Variants in TSGA13 observed in about 807,000 individuals in gnomAD.
TSGA13 encodes the protein testis specific 13, also known as testis-specific gene 13 protein.
A neutral mutation model predicts 35.1 loss-of-function variants in TSGA13; 37 were observed. That is an observed-to-expected ratio of 1.05 (90% CI 0.81 to 1.39). The LOEUF is 1.39. Among genes scored for constraint, TSGA13 ranks in the 40% most tolerant of loss-of-function variants. TSGA13 has a pLI of 0.00. For synonymous variants in TSGA13, 124 were observed against 121.2 expected, an observed-to-expected ratio of 1.02 and a Z score of -0.15; for missense variants, 338 against 328.5, an observed-to-expected ratio of 1.03 and a Z score of -0.22.
In TSGA13 at chr7:130,671,774, T is replaced by C. The variant is rs781925638; in HGVS notation, c.545A>G (p.Asn182Ser). 20 of 1,592,616 alleles carry C rather than the reference T, an allele frequency of 1.3e-5. No individual in the cohort carries two copies. The highest frequency in any genetic ancestry group is 1.7e-4 in the Middle Eastern group (1 of 5,792). The change falls in exon 7 of 8, where the codon AAT becomes AGT. Residue 182 changes from asparagine to serine, a missense_variant. Coordinates refer to ENST00000356588, the MANE Select transcript of TSGA13 (RefSeq NM_052933.4). ...ATACTTCCCTTCGCTCTTGAAATCA[T>C]TGTCAGTGGAAAACCTTAACAAAGA... ...REQWFRFSTD[N>S]DFKSEGKYSK...
intron 5 of TSGA13, among the ~76,000 whole-genome samples, chr7:130,678,355 A>G (rs1431854414): frequency 1.3e-5 from 2 of 150,780 alleles, no homozygotes; most frequent in East Asian, 2.0e-4. Context: ...CTCCAGCCTG[A>G]GCGATAGAAC....
At chr7:130,686,642 A>G (rs1554465772), upstream of TSGA13, 3 of 151,806 alleles carry the variant, frequency 2.0e-5, no homozygotes, top group Admixed American at 6.6e-5. Flanking sequence ...ACTTAAAGGC[A>G]TATTTAAACA....
chr7:130,677,912 C>T (rs531198415), intron 5 of TSGA13, among the ~76,000 whole-genome samples: 1 of 152,310 alleles, frequency 6.6e-6, no homozygotes, highest in African/African-American at 2.4e-5. Flanking sequence ...TCTTCTATTA[C>T]TTTAACATAC....
Position 130,668,875 on chromosome 7 carries a change from A to C in TSGA13, c.*139T>G. 7.2e-7 allele frequency: 1 copy of C among 1,391,876 alleles called. No homozygotes were observed. The highest frequency in any genetic ancestry group is 2.4e-5 in the Admixed American group (1 of 41,740). The allele number at this position is 1,391,876 out of a possible 1,614,324, so 86.2% of individuals were successfully genotyped here. A position where few individuals can be genotyped will look rare whatever the true frequency, so the allele number is the denominator to read the frequency against. ...CCCTTCTCCTCTTGCGGCCCGCCGG[A>C]GACTTCGGCTCGACCCTCCCGGCTT... On this transcript the variant is annotated 3_prime_UTR_variant, in exon 8 of 8. Coordinates refer to ENST00000356588, the MANE Select transcript of TSGA13 (RefSeq NM_052933.4).
At position 130,668,846 on chromosome 7, in the gene TSGA13, C is replaced by T. The variant is rs940516002; in HGVS notation, c.*168G>A. ...GCCCTCGGCCCCCGGGACGCAGCCA[C>T]GCCCCCTTCTCCTCTTGCGGCCCGC... On this transcript the variant is annotated 3_prime_UTR_variant, in exon 8 of 8. Transcript: ENST00000356588. 5.4e-6 allele frequency: 7 copies of T among 1,306,648 alleles called. No homozygotes were observed. The highest frequency in any genetic ancestry group is 7.2e-6 in the Non-Finnish European group (7 of 968,328). The allele number at this position is 1,306,648 out of a possible 1,614,324, so 80.9% of individuals were successfully genotyped here. A position where few individuals can be genotyped will look rare whatever the true frequency, so the allele number is the denominator to read the frequency against.
intron 5 of TSGA13, among the ~76,000 whole-genome samples, chr7:130,673,879 G>T (rs937655570): frequency 1.3e-5 from 2 of 152,094 alleles, no homozygotes; most frequent in Non-Finnish European, 2.9e-5. Context: ...TGGATCATGA[G>T]GTCAGGAGTT....
chr7:130,668,753 GC>G lies in TSGA13; in HGVS notation c.*260del. 6.9e-7 allele frequency: 1 copy of G among 1,452,840 alleles called. No homozygotes were observed. The highest frequency in any genetic ancestry group is 1.3e-5 in the South Asian group (1 of 75,844). 90.0% of individuals were successfully genotyped at this position (1,452,840 alleles called of 1,614,324 possible). On this transcript the variant is annotated 3_prime_UTR_variant, in exon 8 of 8. Coordinates refer to ENST00000356588, the MANE Select transcript of TSGA13 (RefSeq NM_052933.4). The stretch of plus-strand genomic sequence containing the variant: ...AGCGGAAGAGGCTGCAGGAAGGCCG[GC>G]CCCGCGCTCTCACGCCGGTTGGGCC...
In TSGA13 at chr7:130,668,739, C is replaced by G. The variant is rs567586188; in HGVS notation, c.*275G>C. On this transcript the variant is annotated 3_prime_UTR_variant, in exon 8 of 8. Coordinates refer to ENST00000356588, the MANE Select transcript of TSGA13 (RefSeq NM_052933.4). ...CGCCGCAGCCGGCGAGCGGAAGAGGCTGCAGGAAGGCCGGCCCCGCGCTCT... is the reference window on the plus strand; with the variant it reads ...CGCCGCAGCCGGCGAGCGGAAGAGGGTGCAGGAAGGCCGGCCCCGCGCTCT... 7 of 1,481,506 alleles carry G rather than the reference C, an allele frequency of 4.7e-6. No homozygotes were observed. Among genetic ancestry groups the G allele is most frequent in the Non-Finnish European group, 6.3e-6 (7 of 1,108,424 alleles). The allele number at this position is 1,481,506 out of a possible 1,614,324, so 91.8% of individuals were successfully genotyped here. A position where few individuals can be genotyped will look rare whatever the true frequency, so the allele number is the denominator to read the frequency against.
chr7:130,678,175 G>A (rs554973363), intron 5 of TSGA13, among the ~76,000 whole-genome samples: 3 of 152,092 alleles, frequency 2.0e-5, no homozygotes, highest in African/African-American at 4.8e-5. Flanking sequence ...TCAGAAGATC[G>A]AGACCATCCT....
At chr7:130,679,431 G>C (rs192963986) in intron 4 of TSGA13, 64 bp from the exon 5 acceptor site, 1 of 1,427,600 alleles carries the variant, frequency 7.0e-7, no homozygotes, top group Non-Finnish European at 9.6e-7. Flanking sequence ...TTAACAAATC[G>C]GTTGGCTGAT....
chr7:130,684,669 G>A (rs1039509376), intron 2 of TSGA13, among the ~76,000 whole-genome samples: 13 of 152,158 alleles, frequency 8.5e-5, no homozygotes, highest in Non-Finnish European at 1.9e-4. Context: ...TTCAAGCATA[G>A]CTACCTTCCA....
chr7:130,675,139 A>G (rs782818299), intron 5 of TSGA13, among the ~76,000 whole-genome samples: 7 of 151,920 alleles, frequency 4.6e-5, no homozygotes, highest in Non-Finnish European at 8.8e-5. Flanking sequence ...CATATCACTC[A>G]CATGTTTCTC....
At chr7:130,680,289 G>C (rs1490401533) in intron 4 of TSGA13, among the ~76,000 whole-genome samples, 1 of 152,080 alleles carries the variant, frequency 6.6e-6, no homozygotes, top group Non-Finnish European at 1.5e-5. Flanking sequence ...GGTGGATCAC[G>C]AGGTCAGGAG....
chr7:130,678,245 G>A (rs1796457568), intron 5 of TSGA13, among the ~76,000 whole-genome samples: 1 of 152,168 alleles, frequency 6.6e-6, no homozygotes, highest in South Asian at 2.1e-4. Flanking sequence ...TGGGCGTGGT[G>A]GTGGGCACCT....
rs782376637 is a variant in TSGA13, at chr7:130,669,065, G to A, written c.777C>T (p.Arg259=). The change falls in exon 8 of 8, where the codon CGC becomes CGT. Residue 259 remains arginine (R), a synonymous_variant. Coordinates refer to ENST00000356588, the MANE Select transcript of TSGA13 (RefSeq NM_052933.4). ...TAATCCACTGCGGGGCCCTCCCGTTGCGGAAGGCGCTCTCCCCGGGCGCGG... is the reference window on the plus strand; with the variant it reads ...TAATCCACTGCGGGGCCCTCCCGTTACGGAAGGCGCTCTCCCCGGGCGCGG... ...TRTAPGESAF[R]NGRAPQWIIK... 3 of 1,614,234 alleles carry A rather than the reference G, an allele frequency of 1.9e-6. No homozygotes were observed. Among genetic ancestry groups the A allele is most frequent in the East Asian group, 4.5e-5 (2 of 44,880 alleles).
At position 130,684,906 on chromosome 7, in the gene TSGA13, G is replaced by A. The variant is rs542508752; in HGVS notation, c.23+282C>T. On this transcript the variant is annotated intron_variant, in intron 2 of 7. Transcript: ENST00000356588. ...TACCTAAAAGGAAGCACAGAATCCCGGATACTCTTCTTCAGGGCCAATTTA... is the reference window on the plus strand; with the variant it reads ...TACCTAAAAGGAAGCACAGAATCCCAGATACTCTTCTTCAGGGCCAATTTA... Among the ~76,000 whole-genome samples the A allele has an allele frequency of 5.3e-5, 8 of 152,236 alleles. No individual in the cohort carries two copies. The South Asian group carries it at 1.2e-3, about 24-fold the overall frequency.
intron 5 of TSGA13, among the ~76,000 whole-genome samples, chr7:130,673,964 G>A (rs780216491): frequency 5.9e-5 from 9 of 151,682 alleles, no homozygotes; most frequent in East Asian, 2.0e-4. Flanking sequence ...GCGTGGTGGC[G>A]CGTGCCTATA....
chr7:130,677,974 A>C (rs1195274558), intron 5 of TSGA13, among the ~76,000 whole-genome samples: 1 of 152,212 alleles, frequency 6.6e-6, no homozygotes, highest in Admixed American at 6.5e-5. Flanking sequence ...TAAGACAGAA[A>C]CTGTCCTGTA....
At chr7:130,678,531 C>T (rs375989991) in intron 5 of TSGA13, among the ~76,000 whole-genome samples, 1 of 152,188 alleles carries the variant, frequency 6.6e-6, no homozygotes, top group Non-Finnish European at 1.5e-5. Context: ...TCTTTTACTA[C>T]TTTATTCTCA....
Sources: allele counts gnomAD v4.1 joint callset (sites outside exome capture counted in the v4.1 genomes callset), GRCh38; gene constraint gnomAD v4.1.1; transcripts MANE v1.5; gene names NCBI Gene and HGNC (gene_info 2026-07-23, HGNC 2026-07-21).